Variants in COL4A3 observed in about 807,000 individuals in gnomAD.
The protein encoded by COL4A3 is collagen type IV alpha 3 chain.
Under a neutral mutation model 217.4 loss-of-function variants are expected in COL4A3, and 135 were observed. The observed-to-expected ratio is 0.62, with a 90% CI of 0.54 to 0.72. COL4A3 has a LOEUF of 0.72. Among genes scored for constraint, COL4A3 ranks in the 30% least tolerant of loss-of-function variants. The pLI is 0.00. For synonymous variants in COL4A3, 690 were observed against 736.3 expected (o/e 0.94, Z 1.02); for missense variants, 1,868 against 2,119.9 (o/e 0.88, Z 2.33).
chr2:227,190,020 G>A (rs2066171983), intron 1 of COL4A3, among the ~76,000 whole-genome samples: 1 of 152,068 alleles, frequency 6.6e-6, no homozygotes, highest in Admixed American at 6.5e-5. Context: ...CATAACAGTG[G>A]CTAGGTAGAT....
At chr2:227,221,963 A>G (rs190618632) in intron 1 of COL4A3, among the ~76,000 whole-genome samples, 2 of 149,486 alleles carry the variant, frequency 1.3e-5, no homozygotes, top group Admixed American at 1.3e-4. Context: ...ACAGTAGATC[A>G]TTTAACTCAG....
chr2:227,267,690 A>G (rs1311179288), intron 23 of COL4A3, among the ~76,000 whole-genome samples: 1 of 152,134 alleles, frequency 6.6e-6, no homozygotes, highest in Non-Finnish European at 1.5e-5. Flanking sequence ...TGCATTAATA[A>G]ATCTTCCAAG....
chr2:227,258,042 C>T (rs1023219286), intron 18 of COL4A3, among the ~76,000 whole-genome samples: 3 of 152,210 alleles, frequency 2.0e-5, no homozygotes, highest in African/African-American at 4.8e-5. Flanking sequence ...GCAATCATTC[C>T]GGCCCAAGCT....
intron 50 of COL4A3, among the ~76,000 whole-genome samples, chr2:227,310,091 A>C (rs2073683728): frequency 6.6e-6 from 1 of 152,246 alleles, no homozygotes; most frequent in African/African-American, 2.4e-5. Flanking sequence ...ATCTGAACCC[A>C]GGTCTATCTG....
chr2:227,216,129 G>A (rs1416717979), intron 1 of COL4A3, among the ~76,000 whole-genome samples: 1 of 152,046 alleles, frequency 6.6e-6, no homozygotes, highest in Non-Finnish European at 1.5e-5. Context: ...AGTTTTACAA[G>A]ATAAAAAGAA....
intron 37 of COL4A3, among the ~76,000 whole-genome samples, chr2:227,291,725 G>A (rs2072754896): frequency 6.6e-6 from 1 of 152,074 alleles, no homozygotes; most frequent in Non-Finnish European, 1.5e-5. Context: ...CTTTTTCTGT[G>A]TAATGGAATG....
At chr2:227,232,997 A>AT in intron 1 of COL4A3, among the ~76,000 whole-genome samples, 1 of 152,152 alleles carries the variant, frequency 6.6e-6, no homozygotes, top group South Asian at 2.1e-4. Context: ...CATCTTTTAT[A>AT]TTTTTTATTG....
intron 3 of COL4A3, among the ~76,000 whole-genome samples, chr2:227,240,686 A>G (rs1404321355): frequency 6.6e-6 from 1 of 152,192 alleles, no homozygotes; most frequent in African/African-American, 2.4e-5. Flanking sequence ...ATTTTCCATG[A>G]TAATACAAAA....
chr2:227,260,229 A>G (rs924791065), intron 19 of COL4A3, among the ~76,000 whole-genome samples: 4 of 152,214 alleles, frequency 2.6e-5, no homozygotes, highest in Non-Finnish European at 4.4e-5. Flanking sequence ...AGAGATGTGC[A>G]AGGGGGAACT....
chr2:227,274,470 A>G (rs1460874556), intron 26 of COL4A3, among the ~76,000 whole-genome samples: 2 of 149,398 alleles, frequency 1.3e-5, no homozygotes, highest in African/African-American at 2.4e-5. Context: ...ATAAATATTT[A>G]TGTTTATCTG....
intron 23 of COL4A3, chr2:227,268,240 G>T (rs12694725): frequency 0.25 from 38,660 of 152,160 alleles, 5,806 homozygotes; most frequent in African/African-American, 0.42. Context: ...ACATCAGCCC[G>T]AGAGGCTGGT....
At chr2:227,245,261 T>C (rs1302318048) in intron 5 of COL4A3, among the ~76,000 whole-genome samples, 7 of 151,846 alleles carry the variant, frequency 4.6e-5, no homozygotes, top group African/African-American at 1.7e-4. Context: ...TATCCAGTGA[T>C]TCCACATCCA....
chr2:227,309,361 G>A (rs2073649032), intron 50 of COL4A3, 43 bp downstream of exon 50: 1 of 1,447,296 alleles, frequency 6.9e-7, no homozygotes, highest in Non-Finnish European at 9.6e-7. Context: ...AAGACTACCT[G>A]TAGAATGTTA....
At chr2:227,295,393 A>C in intron 41 of COL4A3, 77 bp downstream of exon 41, 5 of 1,275,948 alleles carry the variant, frequency 3.9e-6, no homozygotes, top group African/African-American at 1.5e-5. Flanking sequence ...TGAAATATAA[A>C]GTAAGCTTAA....
chr2:227,182,341 C>A (rs2065889512), intron 1 of COL4A3, among the ~76,000 whole-genome samples: 4 of 152,202 alleles, frequency 2.6e-5, no homozygotes, highest in Admixed American at 2.6e-4. Flanking sequence ...ACCTCCCATT[C>A]ATGAACACCA....
chr2:227,279,943 G>C (rs2071847591), intron 29 of COL4A3, 53 bp downstream of exon 29: 2 of 1,285,994 alleles, frequency 1.6e-6, no homozygotes, highest in Non-Finnish European at 2.2e-6. Flanking sequence ...CCATTAACTG[G>C]CCAGTTTGTA....
Position 227,187,313 on chromosome 2 carries a change from C to T in COL4A3, c.87+22500C>T, listed in dbSNP as rs375457027. Among the ~76,000 whole-genome samples, 18 of 152,226 alleles carry T rather than the reference C, an allele frequency of 1.2e-4. No individual in the cohort carries two copies. In the East Asian group the frequency reaches 1.4e-3, roughly 11 times the overall value. ...GAGGATGAGGGTGAGGATGGGGAGA[C>T]GCTGATAATCACACAGTTGTGACTA... On this transcript the variant is annotated intron_variant, in intron 1 of 51. Coordinates refer to ENST00000396578, the MANE Select transcript of COL4A3 (RefSeq NM_000091.5).
chr2:227,259,846 AC>A lies in COL4A3; in HGVS notation c.1085del (p.Pro362GlnfsTer38). The A allele has an allele frequency of 5.6e-6, 9 of 1,613,810 alleles. No individual in the cohort carries two copies. Among genetic ancestry groups the A allele is most frequent in the Non-Finnish European group, 7.6e-6 (9 of 1,179,658 alleles). ...EKGDEGTPGP[P>X]GPRGARGPQG... Reference sequence around the variant, plus strand: ...AGGGAGATGAAGGCACTCCAGGCCCACCAGGGCCCAGAGGAGCTCGTGGCCC... The same window carrying A: ...AGGGAGATGAAGGCACTCCAGGCCCACAGGGCCCAGAGGAGCTCGTGGCCC... On this transcript the variant is annotated frameshift_variant, in exon 19 of 52. Coordinates refer to ENST00000396578, the MANE Select transcript of COL4A3 (RefSeq NM_000091.5). LOFTEE classifies it high-confidence loss of function.
At chr2:227,258,057 G>A (rs1224113627) in intron 18 of COL4A3, among the ~76,000 whole-genome samples, 1 of 152,234 alleles carries the variant, frequency 6.6e-6, no homozygotes. Flanking sequence ...CAAGCTCTGT[G>A]TAGCAGGCAG....
Sources: gnomAD v4.1 joint callset for allele counts (sites outside exome capture counted in the v4.1 genomes callset) on GRCh38, gnomAD v4.1.1 for gene constraint, MANE v1.5 for transcripts, NCBI Gene and HGNC (gene_info 2026-07-23, HGNC 2026-07-21) for gene names.